The following EDIL3 variants were observed in gnomAD, a reference collection of about 807,000 sequenced individuals.
EDIL3 encodes the protein EGF-like repeat and discoidin I-like domain-containing protein 3.
In EDIL3, 37 loss-of-function variants were observed where a neutral mutation model predicts 67.4. That is an observed-to-expected ratio of 0.55 (90% CI 0.42 to 0.72). The LOEUF (loss-of-function observed/expected upper bound fraction) is 0.72. Ranked by LOEUF, EDIL3 falls within the 30% of genes least tolerant of loss-of-function variation. The pLI is 0.00. For synonymous variants in EDIL3, 195 were observed against 196.3 expected (o/e 0.99, Z 0.05); for missense variants, 527 against 586.3 (o/e 0.90, Z 1.04).
chr5:83,983,744 T>TTC (rs1554061993), intron 9 of EDIL3, among the ~76,000 whole-genome samples: 1 of 146,326 alleles, frequency 6.8e-6, no homozygotes, highest in African/African-American at 2.5e-5. Flanking sequence ...GGGACTTTCT[T>TTC]TTTTTTTTTT....
chr5:83,997,206 T>C (rs773664070), intron 9 of EDIL3, among the ~76,000 whole-genome samples: 17 of 152,204 alleles, frequency 1.1e-4, no homozygotes, highest in Non-Finnish European at 2.5e-4. Flanking sequence ...AGTTGGACTT[T>C]CTACAAGGTA....
intron 4 of EDIL3, among the ~76,000 whole-genome samples, chr5:84,156,883 A>G (rs1367136966): frequency 6.6e-6 from 1 of 152,272 alleles, no homozygotes; most frequent in Non-Finnish European, 1.5e-5. Context: ...CCAGAAATAA[A>G]TCTTTCTTCA....
intron 3 of EDIL3, among the ~76,000 whole-genome samples, chr5:84,216,896 G>T (rs1339292394): frequency 6.6e-6 from 1 of 152,082 alleles, no homozygotes; most frequent in Non-Finnish European, 1.5e-5. Flanking sequence ...TGCCCTTATT[G>T]TCCCATTTCA....
At chr5:83,968,983 T>C (rs1322270573) in intron 9 of EDIL3, among the ~76,000 whole-genome samples, 1 of 151,848 alleles carries the variant, frequency 6.6e-6, no homozygotes, top group Non-Finnish European at 1.5e-5. Flanking sequence ...ATATAATCAA[T>C]GCTTTCCTTC....
At chr5:84,042,409 G>T (rs1395281454) in intron 9 of EDIL3, among the ~76,000 whole-genome samples, 1 of 151,932 alleles carries the variant, frequency 6.6e-6, no homozygotes, top group Non-Finnish European at 1.5e-5. Flanking sequence ...AGCCCCCCGA[G>T]TAGTTGAGAT....
intron 4 of EDIL3, among the ~76,000 whole-genome samples, chr5:84,153,879 A>T (rs1214358601): frequency 6.6e-6 from 1 of 152,188 alleles, no homozygotes; most frequent in African/African-American, 2.4e-5. Flanking sequence ...CAAAACCTCC[A>T]TGGCATACGA....
Position 84,034,900 on chromosome 5 carries a change from C to T in EDIL3, c.1137+25400G>A, listed in dbSNP as rs186372797. On this transcript the variant is annotated intron_variant, in intron 9 of 10. Transcript: ENST00000296591. ...GCCATGTCACTGATATCGAGTCTCACGGTATAAATCCTGTAGGCCTAAGTG... is the reference window on the plus strand; with the variant it reads ...GCCATGTCACTGATATCGAGTCTCATGGTATAAATCCTGTAGGCCTAAGTG... Among the ~76,000 whole-genome samples, 447 of 152,190 alleles carry T rather than the reference C, an allele frequency of 2.9e-3. 3 individuals are homozygous for T. The highest frequency in any genetic ancestry group is 0.01 in the African/African-American group (421 of 41,534).
At chr5:84,153,248 C>G (rs1202685621) in intron 4 of EDIL3, among the ~76,000 whole-genome samples, 2 of 150,480 alleles carry the variant, frequency 1.3e-5, no homozygotes, top group African/African-American at 4.9e-5. Flanking sequence ...TGCTACAACA[C>G]CCTTCATATC....
chr5:84,013,560 A>G (rs575833820), intron 9 of EDIL3, among the ~76,000 whole-genome samples: 17 of 152,280 alleles, frequency 1.1e-4, no homozygotes, highest in African/African-American at 4.1e-4. Flanking sequence ...AGAATATGAG[A>G]TATGCACATC....
intron 3 of EDIL3, among the ~76,000 whole-genome samples, chr5:84,218,329 T>C (rs1744273405): frequency 6.6e-6 from 1 of 152,224 alleles, no homozygotes; most frequent in Admixed American, 6.5e-5. Flanking sequence ...TTTGTCAGTT[T>C]TTAAAATGTG....
chr5:84,108,140 T>G (rs1218630121), intron 5 of EDIL3, among the ~76,000 whole-genome samples: 1 of 151,644 alleles, frequency 6.6e-6, no homozygotes, highest in Non-Finnish European at 1.5e-5. Context: ...ACACTTAGAT[T>G]GAGGTTGAAA....
chr5:83,952,161 C>G (rs1165952309), intron 10 of EDIL3, among the ~76,000 whole-genome samples: 1 of 151,784 alleles, frequency 6.6e-6, no homozygotes, highest in Non-Finnish European at 1.5e-5. Context: ...GTTATTAGGT[C>G]TTGACCTTGG....
intron 9 of EDIL3, among the ~76,000 whole-genome samples, chr5:84,027,910 T>C (rs1580286746): frequency 6.6e-6 from 1 of 152,156 alleles, no homozygotes; most frequent in Non-Finnish European, 1.5e-5. Context: ...ATGTTGTCTC[T>C]GAGGAATTTA....
intron 2 of EDIL3, among the ~76,000 whole-genome samples, chr5:84,237,124 T>A (rs890797695): frequency 6.6e-6 from 1 of 152,108 alleles, no homozygotes. Flanking sequence ...AAGCTGATAC[T>A]CTCAGGCTCC....
chr5:84,248,828 C>G (rs1744963712), intron 2 of EDIL3, among the ~76,000 whole-genome samples: 2 of 152,156 alleles, frequency 1.3e-5, no homozygotes, highest in Admixed American at 6.5e-5. Flanking sequence ...TCTAAATACT[C>G]AGTGACTCTC....
chr5:84,296,642 G>T (rs1367585323), intron 1 of EDIL3, among the ~76,000 whole-genome samples: 1 of 152,170 alleles, frequency 6.6e-6, no homozygotes, highest in African/African-American at 2.4e-5. Flanking sequence ...AAGGAAACTG[G>T]TGCAGAAGCT....
At chr5:84,023,871 C>T (rs979867494) in intron 9 of EDIL3, among the ~76,000 whole-genome samples, 22 of 152,030 alleles carry the variant, frequency 1.4e-4, no homozygotes, top group African/African-American at 5.1e-4. Flanking sequence ...AAATCACTTG[C>T]AAGATTACAG....
At chr5:84,108,228 T>C (rs1747497887) in intron 5 of EDIL3, among the ~76,000 whole-genome samples, 2 of 152,098 alleles carry the variant, frequency 1.3e-5, no homozygotes, top group South Asian at 4.1e-4. Context: ...ACCATATTTT[T>C]AATTGTCATA....
intron 7 of EDIL3, 37 bp from the exon 8 acceptor site, chr5:84,064,881 G>C: frequency 6.3e-7 from 1 of 1,576,268 alleles, no homozygotes; most frequent in Non-Finnish European, 8.6e-7. Context: ...CACTGCAACA[G>C]CTTATTTACC....
Sources: allele counts gnomAD v4.1 joint callset (sites outside exome capture counted in the v4.1 genomes callset), GRCh38; gene constraint gnomAD v4.1.1; transcripts MANE v1.5; gene names NCBI Gene and HGNC (gene_info 2026-07-23, HGNC 2026-07-21).